SLC24A2: variants seen among roughly 807,000 people sequenced by gnomAD.
The protein encoded by SLC24A2 is sodium/potassium/calcium exchanger 2.
In SLC24A2, 36 loss-of-function variants were observed where a neutral mutation model predicts 62.0. That is an observed-to-expected ratio of 0.58 (90% CI 0.44 to 0.77). The LOEUF (loss-of-function observed/expected upper bound fraction) is 0.77, where lower values mean the gene tolerates loss of function less well. Ranked by LOEUF, SLC24A2 falls within the 30% of genes least tolerant of loss-of-function variation. The pLI is 0.00. For missense variants in SLC24A2, 846 were observed against 817.9 expected (o/e 1.03, Z -0.42); for synonymous variants, 358 against 294.0 (o/e 1.22, Z -2.23).
the SLC24A2 span, among the ~76,000 whole-genome samples, chr9:19,962,248 G>A: frequency 1.3e-5 from 2 of 152,296 alleles, no homozygotes; most frequent in East Asian, 3.9e-4. Flanking sequence ...GCAGTACCAT[G>A]CTGTTTTGGT....
chr9:20,216,554 T>A, the SLC24A2 span, among the ~76,000 whole-genome samples: 1 of 152,192 alleles, frequency 6.6e-6, no homozygotes, highest in Non-Finnish European at 1.5e-5. Context: ...ATAGGTGATC[T>A]GGGGGCTTTC....
At chr9:20,285,328 T>A in the SLC24A2 span, among the ~76,000 whole-genome samples, 4 of 152,184 alleles carry the variant, frequency 2.6e-5, no homozygotes, top group African/African-American at 9.7e-5. Context: ...AGTTGGCTTG[T>A]GTGATTATGA....
chr9:20,212,468 T>C, the SLC24A2 span, among the ~76,000 whole-genome samples: 9 of 151,850 alleles, frequency 5.9e-5, no homozygotes, highest in South Asian at 8.3e-4. Context: ...CTGGCCAACA[T>C]GGTAAAACCC....
chr9:19,875,233 C>T, the SLC24A2 span, among the ~76,000 whole-genome samples: 1 of 152,178 alleles, frequency 6.6e-6, no homozygotes, highest in Non-Finnish European at 1.5e-5. Flanking sequence ...TCAATCAACT[C>T]TTTCAAGACT....
the SLC24A2 span, among the ~76,000 whole-genome samples, chr9:20,217,203 A>T: frequency 7.9e-5 from 12 of 152,234 alleles, no homozygotes; most frequent in African/African-American, 2.2e-4. Flanking sequence ...GGGGTAAAAG[A>T]AGCCAGACAT....
chr9:19,511,281 A>G lies in SLC24A2; in HGVS notation c.*4872T>C, dbSNP rs1028523079. 2 of 152,172 alleles carry G rather than the reference A, an allele frequency of 1.3e-5. No individual in the cohort carries two copies. The highest frequency in any genetic ancestry group is 4.8e-5 in the African/African-American group (2 of 41,444). 9.4% of individuals were successfully genotyped at this position (152,172 alleles called of 1,614,324 possible). A position where few individuals can be genotyped will look rare whatever the true frequency, so the allele number is the denominator to read the frequency against. ...TATGAAGCTCTGAGATTAAAAATGA[A>G]ACGCAAAGACAGAGGCAGAGGCAGA... On this transcript the variant is annotated 3_prime_UTR_variant, in exon 11 of 11. Coordinates refer to ENST00000341998, the MANE Select transcript of SLC24A2 (RefSeq NM_020344.4).
chr9:20,247,269 T>C, the SLC24A2 span, among the ~76,000 whole-genome samples: 3,536 of 152,268 alleles, frequency 0.023, 111 homozygotes, highest in African/African-American at 0.07. Context: ...GCAAATCCCA[T>C]GGTGCTATCA....
chr9:19,568,536 C>T lies in SLC24A2; in HGVS notation c.1347+4815G>A, dbSNP rs536344905. Among the ~76,000 whole-genome samples, 6 of 152,302 alleles carry T rather than the reference C, an allele frequency of 3.9e-5. No homozygotes were observed. In the South Asian group the frequency reaches 1.2e-3, roughly 32 times the overall value. On this transcript the variant is annotated intron_variant, in intron 7 of 10. Transcript: ENST00000341998. ...AATGTGCCAAGAATGGTTCTAAGAG[C>T]ATTTATCCTCACAACAGTGCTATGA...
intron 4 of SLC24A2, among the ~76,000 whole-genome samples, chr9:19,616,320 A>T (rs191502144): frequency 1.8e-3 from 276 of 152,324 alleles, no homozygotes; most frequent in Middle Eastern, 0.01. Context: ...AATCCTTACA[A>T]TAACACTATG....
chr9:20,162,851 A>G, the SLC24A2 span, among the ~76,000 whole-genome samples: 1 of 152,178 alleles, frequency 6.6e-6, no homozygotes, highest in Admixed American at 6.6e-5. Flanking sequence ...AATGTAATCC[A>G]GCACATAATC....
the SLC24A2 span, among the ~76,000 whole-genome samples, chr9:20,267,556 G>A: frequency 6.6e-6 from 1 of 152,240 alleles, no homozygotes; most frequent in East Asian, 1.9e-4. Context: ...CCTAGAATAG[G>A]CGCTCAGGGA....
intron 2 of SLC24A2, among the ~76,000 whole-genome samples, chr9:19,641,542 T>C (rs7025029): frequency 0.015 from 2,198 of 147,838 alleles, 48 homozygotes; most frequent in African/African-American, 0.049. Context: ...TGAGATGGAG[T>C]CTCACTCGGT....
At chr9:20,040,308 G>C in the SLC24A2 span, among the ~76,000 whole-genome samples, 1 of 152,200 alleles carries the variant, frequency 6.6e-6, no homozygotes, top group Non-Finnish European at 1.5e-5. Context: ...GGAGAAGTTT[G>C]AGAGACATTT....
At chr9:20,033,477 T>A in the SLC24A2 span, among the ~76,000 whole-genome samples, 1 of 151,754 alleles carries the variant, frequency 6.6e-6, no homozygotes, top group Non-Finnish European at 1.5e-5. Flanking sequence ...TGACTCCCTT[T>A]TACTTTTTAG....
At chr9:19,543,834 A>C (rs1834408927) in intron 8 of SLC24A2, among the ~76,000 whole-genome samples, 1 of 152,084 alleles carries the variant, frequency 6.6e-6, no homozygotes, top group Admixed American at 6.5e-5. Context: ...TTTGCTGAGG[A>C]GTGTTTTACT....
the SLC24A2 span, among the ~76,000 whole-genome samples, chr9:20,112,725 G>T: frequency 2.0e-5 from 3 of 152,022 alleles, no homozygotes; most frequent in African/African-American, 4.8e-5. Context: ...GGGGAGTGTG[G>T]TTCCTGGGGA....
the SLC24A2 span, among the ~76,000 whole-genome samples, chr9:19,830,478 C>A: frequency 6.6e-6 from 1 of 152,270 alleles, no homozygotes; most frequent in African/African-American, 2.4e-5. Flanking sequence ...GAAGCTGACT[C>A]TTAGAAAGGT....
rs1207329516 is a variant in SLC24A2, at chr9:19,634,191, G to A, written c.931-11892C>T. Among the ~76,000 whole-genome samples, 3 of 151,536 alleles carry A rather than the reference G, an allele frequency of 2.0e-5. No homozygotes were observed. In the East Asian group the frequency reaches 5.8e-4, roughly 29 times the overall value. On this transcript the variant is annotated intron_variant, in intron 2 of 10. Transcript: ENST00000341998. The stretch of plus-strand genomic sequence containing the variant: ...TTTAAAGATTGGGGTAAAAGGCTGA[G>A]TGAGGTTAACTAACTTGCCCACAGC...
chr9:20,195,002 A>T, the SLC24A2 span, among the ~76,000 whole-genome samples: 1 of 152,240 alleles, frequency 6.6e-6, no homozygotes, highest in South Asian at 2.1e-4. Context: ...AAACCATGTA[A>T]ATTAGTTTCT....
Sources: allele counts gnomAD v4.1 joint callset (sites outside exome capture counted in the v4.1 genomes callset), GRCh38; gene constraint gnomAD v4.1.1; transcripts MANE v1.5; gene names NCBI Gene and HGNC (gene_info 2026-07-23, HGNC 2026-07-21).